Variants in SPPL3 observed in about 807,000 individuals in gnomAD.
SPPL3 encodes signal peptide peptidase like 3.
SPPL3 carries 5 observed loss-of-function variants against 42.4 expected under a neutral mutation model. The observed-to-expected ratio is 0.12, with a 90% confidence interval of 0.06 to 0.25. The LOEUF (loss-of-function observed/expected upper bound fraction) is 0.25, where lower values mean the gene tolerates loss of function less well. SPPL3 is among the 10% of genes least tolerant of loss of function. The pLI is 1.00. For synonymous variants in SPPL3, 195 were observed against 181.8 expected, an observed-to-expected ratio of 1.07 and a Z score of -0.58; for missense variants, 235 against 489.0, an observed-to-expected ratio of 0.48 and a Z score of 4.90.
intron 1 of SPPL3, among the ~76,000 whole-genome samples, chr12:120,876,143 G>A (rs760344896): frequency 6.6e-6 from 1 of 151,622 alleles, no homozygotes; most frequent in Non-Finnish European, 1.5e-5. Context: ...CACCAACATG[G>A]ATCATATTCT....
chr12:120,886,283 A>C (rs982345910), intron 1 of SPPL3, among the ~76,000 whole-genome samples: 2 of 152,116 alleles, frequency 1.3e-5, no homozygotes, highest in African/African-American at 4.8e-5. Flanking sequence ...GGCATTTGAC[A>C]CCCAGTCTCT....
chr12:120,810,538 T>C (rs1272715575), intron 2 of SPPL3, among the ~76,000 whole-genome samples: 1 of 152,218 alleles, frequency 6.6e-6, no homozygotes, highest in African/African-American at 2.4e-5. Context: ...ACCTTCTTAA[T>C]AAAGAGTGCA....
chr12:120,827,404 T>A (rs1160424951), intron 1 of SPPL3, among the ~76,000 whole-genome samples: 1 of 151,402 alleles, frequency 6.6e-6, no homozygotes, highest in Non-Finnish European at 1.5e-5. Context: ...CTTTGGGGGC[T>A]CTTACTGAGT....
chr12:120,851,823 T>C (rs559326325), intron 1 of SPPL3, among the ~76,000 whole-genome samples: 19 of 152,220 alleles, frequency 1.2e-4, no homozygotes, highest in African/African-American at 4.1e-4. Flanking sequence ...AGGCTGGACT[T>C]GAACTCCTGG....
rs554187291 is a variant in SPPL3 at position 120,855,547 on chromosome 12, C to A, written c.24-44661G>T. Reference sequence around the variant, plus strand: ...TACTAAAATACAAAAACTGGCCAGGCATGACGGCAGTTGCCTGTAATCCCA... The same window carrying A: ...TACTAAAATACAAAAACTGGCCAGGAATGACGGCAGTTGCCTGTAATCCCA... On this transcript the variant is annotated intron_variant, in intron 1 of 10. Coordinates refer to ENST00000353487, the MANE Select transcript of SPPL3 (RefSeq NM_139015.5). Among the ~76,000 whole-genome samples the A allele has an allele frequency of 3.9e-5, 6 of 152,148 alleles. No homozygotes were observed. In the South Asian group the frequency reaches 1.2e-3, roughly 32 times the overall value.
intron 1 of SPPL3, among the ~76,000 whole-genome samples, chr12:120,853,983 TACACACACACACACACACACACACAC>T (rs58246859): frequency 7.7e-6 from 1 of 130,216 alleles, no homozygotes; most frequent in East Asian, 2.2e-4. Context: ...CACGCACACA[TACACACACACACACACACACACACAC>T]ACACACACAC....
intron 1 of SPPL3, among the ~76,000 whole-genome samples, chr12:120,902,749 A>G (rs545571356): frequency 9.9e-5 from 15 of 152,234 alleles, no homozygotes; most frequent in Admixed American, 5.9e-4. Context: ...AGAGTAAACC[A>G]TCTTCAAACC....
rs532148680 is a variant in SPPL3, at chr12:120,873,797, G to T, written c.23+30048C>A. On this transcript the variant is annotated intron_variant, in intron 1 of 10. Coordinates refer to ENST00000353487, the MANE Select transcript of SPPL3 (RefSeq NM_139015.5). ...TGAGGCAGGACAATCACTTGAAACCGGGAGGCGGAGGTTGCAGTGAGCCAA... is the reference window on the plus strand; with the variant it reads ...TGAGGCAGGACAATCACTTGAAACCTGGAGGCGGAGGTTGCAGTGAGCCAA... Among the ~76,000 whole-genome samples, 10 of 152,068 alleles carry T rather than the reference G, an allele frequency of 6.6e-5. No individual in the cohort carries two copies. In the South Asian group the frequency reaches 8.3e-4, roughly 13 times the overall value.
At chr12:120,820,642 T>C (rs370993219) in intron 1 of SPPL3, among the ~76,000 whole-genome samples, 5 of 152,124 alleles carry the variant, frequency 3.3e-5, no homozygotes, top group African/African-American at 1.2e-4. Context: ...TCTAACATTA[T>C]AATGTTGGAG....
intron 1 of SPPL3, among the ~76,000 whole-genome samples, chr12:120,869,869 T>A (rs556746793): frequency 5.7e-4 from 87 of 152,280 alleles, no homozygotes; most frequent in African/African-American, 2.0e-3. Context: ...AAATTTCAAA[T>A]GTGATGATTT....
chr12:120,773,016 T>C (rs1258732113), intron 6 of SPPL3, among the ~76,000 whole-genome samples: 1 of 152,200 alleles, frequency 6.6e-6, no homozygotes, highest in African/African-American at 2.4e-5. Context: ...GTAAAATGTA[T>C]ACAAATGCAT....
chr12:120,830,114 TG>T (rs1271568448), intron 1 of SPPL3, among the ~76,000 whole-genome samples: 1 of 149,508 alleles, frequency 6.7e-6, no homozygotes, highest in Non-Finnish European at 1.5e-5. Context: ...GTGAAACTCA[TG>T]GTAGCTGTGA....
intron 1 of SPPL3, among the ~76,000 whole-genome samples, chr12:120,859,051 A>G (rs1872549094): frequency 6.6e-6 from 1 of 152,200 alleles, no homozygotes; most frequent in Non-Finnish European, 1.5e-5. Flanking sequence ...TTGAAGGCAT[A>G]GTAAGAAAAT....
At chr12:120,885,708 C>G (rs914771217) in intron 1 of SPPL3, among the ~76,000 whole-genome samples, 1 of 152,080 alleles carries the variant, frequency 6.6e-6, no homozygotes, top group African/African-American at 2.4e-5. Context: ...ACTAAGGGAT[C>G]ACAACTCAAT....
chr12:120,774,862 C>CTTAACTTTTGGTTAAATGTACATTA (rs1212117337), intron 6 of SPPL3, among the ~76,000 whole-genome samples: 1 of 152,076 alleles, frequency 6.6e-6, no homozygotes, highest in African/African-American at 2.4e-5. Context: ...TACCAACACA[C>CTTAACTTTTGGTTAAATGTACATTA]TTAACTTTTG....
At chr12:120,852,164 C>T (rs909177070) in intron 1 of SPPL3, among the ~76,000 whole-genome samples, 13 of 151,948 alleles carry the variant, frequency 8.6e-5, no homozygotes, top group African/African-American at 2.4e-4. Context: ...CCTGCTCTGA[C>T]GAAAGTGTGC....
At chr12:120,813,463 G>GCC (rs571892928) in intron 1 of SPPL3, among the ~76,000 whole-genome samples, 1 of 151,442 alleles carries the variant, frequency 6.6e-6, no homozygotes, top group Non-Finnish European at 1.5e-5. Flanking sequence ...GGTTACAGGC[G>GCC]CCCCCCCACC....
intron 1 of SPPL3, among the ~76,000 whole-genome samples, chr12:120,824,799 A>G (rs1375833242): frequency 6.6e-6 from 1 of 152,190 alleles, no homozygotes; most frequent in Non-Finnish European, 1.5e-5. Context: ...TGGCCTCCCA[A>G]CTTGCTGGGA....
At chr12:120,846,185 T>C (rs1872036281) in intron 1 of SPPL3, among the ~76,000 whole-genome samples, 1 of 152,202 alleles carries the variant, frequency 6.6e-6, no homozygotes, top group South Asian at 2.1e-4. Flanking sequence ...GATGCTTCAT[T>C]CACTGTTACA....
Sources: allele counts gnomAD v4.1 joint callset (sites outside exome capture counted in the v4.1 genomes callset), GRCh38; gene constraint gnomAD v4.1.1; transcripts MANE v1.5; gene names NCBI Gene and HGNC (gene_info 2026-07-23, HGNC 2026-07-21).